ALK: variants seen among roughly 807,000 people sequenced by gnomAD.
The protein encoded by ALK is ALK receptor tyrosine kinase, also known as ALK tyrosine kinase receptor.
In ALK, 74 loss-of-function variants were observed where a neutral mutation model predicts 163.1. The ratio of observed to expected loss-of-function variants is 0.45; its 90% confidence interval spans 0.38 to 0.55. The LOEUF is 0.55. Ranked by LOEUF, ALK falls within the 20% of genes least tolerant of loss-of-function variation. ALK has a pLI of 0.00. For synonymous variants in ALK, 960 were observed against 843.2 expected (o/e 1.14, Z -2.40); for missense variants, 2,063 against 2,105.3 (o/e 0.98, Z 0.39).
At chr2:29,300,577 C>T (rs956870092) in intron 8 of ALK, among the ~76,000 whole-genome samples, 6 of 128,176 alleles carry the variant, frequency 4.7e-5, no homozygotes, top group Non-Finnish European at 8.6e-5. Flanking sequence ...AAAAAAAATG[C>T]ATGTGCCCTA....
At chr2:29,290,501 A>C (rs1172280441) in intron 9 of ALK, among the ~76,000 whole-genome samples, 1 of 152,134 alleles carries the variant, frequency 6.6e-6, no homozygotes, top group Non-Finnish European at 1.5e-5. Context: ...AAATGCTCCT[A>C]GGAGGGGCAG....
intron 4 of ALK, among the ~76,000 whole-genome samples, chr2:29,518,574 A>G (rs1410069205): frequency 1.4e-4 from 21 of 152,226 alleles, no homozygotes; most frequent in Non-Finnish European, 2.9e-5. Context: ...AAAGCTAGCG[A>G]AAGGGTGAGC....
chr2:29,850,564 A>C (rs1458507678), intron 1 of ALK, among the ~76,000 whole-genome samples: 4 of 152,154 alleles, frequency 2.6e-5, no homozygotes, highest in African/African-American at 9.7e-5. Flanking sequence ...ACTGCAGAAA[A>C]AGGCCTCAAT....
intron 3 of ALK, among the ~76,000 whole-genome samples, chr2:29,586,828 G>T (rs1674902714): frequency 6.6e-6 from 1 of 152,156 alleles, no homozygotes; most frequent in East Asian, 1.9e-4. Context: ...CTTTCTACCA[G>T]ATTCCAATTA....
At chr2:29,587,700 C>T (rs181609714) in intron 3 of ALK, among the ~76,000 whole-genome samples, 8 of 152,088 alleles carry the variant, frequency 5.3e-5, no homozygotes, top group East Asian at 1.9e-4. Context: ...AACAAGAGCC[C>T]GGGTGAGGGG....
intron 4 of ALK, among the ~76,000 whole-genome samples, chr2:29,476,436 A>C (rs1671523543): frequency 6.6e-6 from 1 of 152,210 alleles, no homozygotes; most frequent in Non-Finnish European, 1.5e-5. Flanking sequence ...AAATATAGAA[A>C]ATGAATCAAA....
At chr2:29,292,463 T>C (rs1666058655) in intron 9 of ALK, among the ~76,000 whole-genome samples, 1 of 152,210 alleles carries the variant, frequency 6.6e-6, no homozygotes, top group Non-Finnish European at 1.5e-5. Context: ...CTTTCTTCTA[T>C]TTTGAGAAAA....
chr2:29,450,148 C>T (rs1670785642), intron 4 of ALK, among the ~76,000 whole-genome samples: 1 of 152,188 alleles, frequency 6.6e-6, no homozygotes, highest in Non-Finnish European at 1.5e-5. Flanking sequence ...AACCTTCCTT[C>T]ACCTACCTTT....
At chr2:29,778,565 G>C (rs906705421) in intron 1 of ALK, among the ~76,000 whole-genome samples, 2 of 152,178 alleles carry the variant, frequency 1.3e-5, no homozygotes, top group African/African-American at 4.8e-5. Flanking sequence ...GCATGCATGT[G>C]TGCAAGTGTG....
At chr2:29,665,919 TA>T (rs1423092315) in intron 3 of ALK, among the ~76,000 whole-genome samples, 2 of 152,094 alleles carry the variant, frequency 1.3e-5, no homozygotes, top group African/African-American at 4.8e-5. Context: ...AGTAATGAAA[TA>T]ATTAAATAGA....
intron 3 of ALK, among the ~76,000 whole-genome samples, chr2:29,688,011 G>C (rs796678860): frequency 1.2e-4 from 19 of 152,318 alleles, no homozygotes; most frequent in African/African-American, 4.6e-4. Flanking sequence ...AGTTGAAATG[G>C]AAACAAGAAT....
At chr2:29,356,464 A>G (rs200438264) in intron 5 of ALK, among the ~76,000 whole-genome samples, 1 of 76,872 alleles carries the variant, frequency 1.3e-5, no homozygotes, top group Non-Finnish European at 2.6e-5. Context: ...TTTAATTTGG[A>G]AAAAAAAAAG....
chr2:29,860,812 A>C (rs1381044487), intron 1 of ALK, among the ~76,000 whole-genome samples: 1 of 152,224 alleles, frequency 6.6e-6, no homozygotes, highest in African/African-American at 2.4e-5. Context: ...ATTTAAAAAT[A>C]TCTTGAGACA....
chr2:29,503,137 T>G (rs770048431), intron 4 of ALK, among the ~76,000 whole-genome samples: 6 of 152,244 alleles, frequency 3.9e-5, no homozygotes, highest in Non-Finnish European at 7.3e-5. Flanking sequence ...ATGAATGAAT[T>G]TATAGTTTTC....
intron 8 of ALK, among the ~76,000 whole-genome samples, chr2:29,316,113 C>G (rs1368237547): frequency 6.6e-6 from 1 of 152,276 alleles, no homozygotes; most frequent in African/African-American, 2.4e-5. Flanking sequence ...AGGAGGAAAT[C>G]AACTTCCTGC....
chr2:29,715,164 T>C (rs1679209981), intron 2 of ALK, among the ~76,000 whole-genome samples: 1 of 152,202 alleles, frequency 6.6e-6, no homozygotes, highest in African/African-American at 2.4e-5. Context: ...CTCAGCTGAA[T>C]TAAATATGGC....
chr2:29,752,448 CACG>C (rs901446847), intron 1 of ALK, among the ~76,000 whole-genome samples: 1 of 148,534 alleles, frequency 6.7e-6, no homozygotes, highest in African/African-American at 2.5e-5. Context: ...CTCCCGGGTT[CACG>C]CCATTCTCCT....
intron 5 of ALK, among the ~76,000 whole-genome samples, chr2:29,342,080 A>G (rs1302867770): frequency 6.6e-6 from 1 of 152,220 alleles, no homozygotes; most frequent in Non-Finnish European, 1.5e-5. Context: ...TGATTCCTTC[A>G]ATGAATATGA....
intron 3 of ALK, among the ~76,000 whole-genome samples, chr2:29,552,692 A>T (rs1408532749): frequency 6.6e-6 from 1 of 152,084 alleles, no homozygotes; most frequent in Non-Finnish European, 1.5e-5. Flanking sequence ...CCCATTTTTT[A>T]GTTGGGTTGT....
Sources: gnomAD v4.1 joint callset for allele counts (sites outside exome capture counted in the v4.1 genomes callset) on GRCh38, gnomAD v4.1.1 for gene constraint, MANE v1.5 for transcripts, NCBI Gene and HGNC (gene_info 2026-07-23, HGNC 2026-07-21) for gene names.